ABCA13: variants seen among roughly 807,000 people sequenced by gnomAD.
ABCA13 encodes the protein ATP-binding cassette sub-family A member 13.
A neutral mutation model predicts 478.7 loss-of-function variants in ABCA13; 476 were observed. The observed-to-expected ratio is 0.99, with a 90% confidence interval of 0.92 to 1.07. ABCA13 has a LOEUF of 1.07. Ranked by LOEUF, ABCA13 falls within the 50% of genes least tolerant of loss-of-function variation. The pLI is 0.00. For synonymous variants in ABCA13, 2,252 were observed against 2,158.9 expected, an observed-to-expected ratio of 1.04 and a Z score of -1.20; for missense variants, 6,060 against 5,910.6, an observed-to-expected ratio of 1.03 and a Z score of -0.83.
chr7:48,470,395 T>C (rs889539114), intron 44 of ABCA13, among the ~76,000 whole-genome samples: 7 of 152,224 alleles, frequency 4.6e-5, no homozygotes, highest in Admixed American at 4.6e-4. Flanking sequence ...AAACACTTGT[T>C]AACCATCATC....
intron 48 of ABCA13, among the ~76,000 whole-genome samples, chr7:48,496,962 T>C (rs1215240563): frequency 1.3e-5 from 2 of 151,882 alleles, no homozygotes; most frequent in Non-Finnish European, 2.9e-5. Flanking sequence ...GATTTTTAGG[T>C]TTATGGTTTT....
intron 55 of ABCA13, among the ~76,000 whole-genome samples, chr7:48,563,797 TGTGTG>T (rs763403661): frequency 0.021 from 820 of 39,164 alleles, 10 homozygotes; most frequent in African/African-American, 0.046. Flanking sequence ...TTACTGCTTG[TGTGTG>T]TGTGTGTGTG....
rs371663337 is a variant in ABCA13, at chr7:48,587,311, C to A, written c.14640+23C>A. The A allele has an allele frequency of 1.4e-5, 22 of 1,583,478 alleles. No homozygotes were observed. The African/African-American group carries it at 3.0e-4, about 21-fold the overall frequency. On this transcript the variant is annotated intron_variant, in intron 57 of 61. Coordinates refer to ENST00000435803, the MANE Select transcript of ABCA13 (RefSeq NM_152701.5). Reference sequence around the variant, plus strand: ...TTGGTGAGTAGAAGAATGTCAATATCTTGGAGTAAGATACATATTGCATAT... The same window carrying A: ...TTGGTGAGTAGAAGAATGTCAATATATTGGAGTAAGATACATATTGCATAT...
chr7:48,349,358 G>A (rs1365814415), intron 29 of ABCA13, among the ~76,000 whole-genome samples: 4 of 152,192 alleles, frequency 2.6e-5, no homozygotes, highest in Admixed American at 2.6e-4. Flanking sequence ...GGCAGAAGGA[G>A]CCCGACACTT....
intron 56 of ABCA13, among the ~76,000 whole-genome samples, chr7:48,581,459 A>G (rs1788705592): frequency 6.6e-6 from 1 of 152,194 alleles, no homozygotes; most frequent in South Asian, 2.1e-4. Context: ...TTGTAGTTAA[A>G]CAGTTATTGG....
chr7:48,470,319 A>G (rs2130275551), intron 44 of ABCA13, among the ~76,000 whole-genome samples: 2 of 152,294 alleles, frequency 1.3e-5, no homozygotes, highest in South Asian at 4.1e-4. Flanking sequence ...AAAGGGAGCT[A>G]GGAGAAGAAT....
rs1360269509 is a variant in ABCA13, at chr7:48,275,514, C to A, written c.5848C>A (p.Gln1950Lys). 19 of 1,613,644 alleles carry A rather than the reference C, an allele frequency of 1.2e-5. No individual in the cohort carries two copies. Among genetic ancestry groups the A allele is most frequent in the Admixed American group, 3.3e-5 (2 of 60,000 alleles). ...SELCPSGSIK[Q>K]VALQIIEKLK... The stretch of plus-strand genomic sequence containing the variant: ...ACTCTGTCCTAGTGGTTCCATAAAG[C>A]AAGTTGCTTTGCAAATCATAGAAAA... The change falls in exon 17 of 62, where the codon CAA becomes AAA. Residue 1950 changes from glutamine (Q) to lysine (K), a missense_variant. Physicochemically the swap from Gln to Lys is moderately conservative, Grantham distance 53. Around this residue, in one of 3 missense-constraint regions of ABCA13, gnomAD observed 4,423 missense variants for 4,309.1 expected, o/e 1.03. Coordinates refer to ENST00000435803, the MANE Select transcript of ABCA13 (RefSeq NM_152701.5).
At chr7:48,603,079 T>C (rs1328468158) in intron 58 of ABCA13, among the ~76,000 whole-genome samples, 1 of 152,234 alleles carries the variant, frequency 6.6e-6, no homozygotes, top group Non-Finnish European at 1.5e-5. Context: ...GCATTGATTT[T>C]GTATCCTGAG....
chr7:48,541,901 A>T (rs1833968113), intron 55 of ABCA13, among the ~76,000 whole-genome samples: 1 of 146,366 alleles, frequency 6.8e-6, no homozygotes, highest in Non-Finnish European at 1.5e-5. Flanking sequence ...GGGTTAAAAA[A>T]GGTATTTTTT....
intron 15 of ABCA13, among the ~76,000 whole-genome samples, chr7:48,264,333 T>C (rs891593503): frequency 1.3e-5 from 2 of 151,912 alleles, no homozygotes; most frequent in African/African-American, 2.4e-5. Flanking sequence ...GGGAGTTGTA[T>C]GCTTAGCCTT....
At chr7:48,552,479 C>T (rs1785415213) in intron 55 of ABCA13, among the ~76,000 whole-genome samples, 1 of 151,608 alleles carries the variant, frequency 6.6e-6, no homozygotes, top group African/African-American at 2.4e-5. Flanking sequence ...GAATTTGGAC[C>T]TACAACATAG....
At chr7:48,616,690 G>A (rs75216059) in intron 59 of ABCA13, among the ~76,000 whole-genome samples, 5,810 of 152,146 alleles carry the variant, frequency 0.038, 146 homozygotes, top group Middle Eastern at 0.061. Flanking sequence ...ATGGCTTGTG[G>A]GTTATTCACT....
chr7:48,323,415 T>C (rs908453090), intron 27 of ABCA13, among the ~76,000 whole-genome samples: 8 of 152,242 alleles, frequency 5.3e-5, no homozygotes, highest in African/African-American at 1.7e-4. Flanking sequence ...GTAGACTGTA[T>C]GCCAAGCCCT....
At chr7:48,180,429 GT>G (rs1244100690) in intron 1 of ABCA13, among the ~76,000 whole-genome samples, 2 of 151,686 alleles carry the variant, frequency 1.3e-5, no homozygotes, top group African/African-American at 2.4e-5. Flanking sequence ...GATATCTTTT[GT>G]TTTTTTTGAG....
chr7:48,634,648 CT>C (rs1381186715), intron 59 of ABCA13, among the ~76,000 whole-genome samples: 1 of 152,064 alleles, frequency 6.6e-6, no homozygotes, highest in Non-Finnish European at 1.5e-5. Flanking sequence ...TCCACTCCAA[CT>C]TTATTATTTC....
At chr7:48,522,877 G>GTGAAT (rs1832651397) in intron 53 of ABCA13, among the ~76,000 whole-genome samples, 1 of 152,140 alleles carries the variant, frequency 6.6e-6, no homozygotes, top group South Asian at 2.1e-4. Flanking sequence ...ATACTACTCT[G>GTGAAT]CCAGGCAGGA....
rs1183944785 is a variant in ABCA13, at chr7:48,245,994, T to G, written c.1623T>G (p.Ser541Arg). 1 of 1,613,666 alleles carries G rather than the reference T, an allele frequency of 6.2e-7. No homozygotes were observed. The highest frequency in any genetic ancestry group is 8.5e-7 in the Non-Finnish European group (1 of 1,179,744). The change falls in exon 13 of 62, where the codon AGT becomes AGG. Residue 541 changes from serine to arginine, a missense_variant. Coordinates refer to ENST00000435803, the MANE Select transcript of ABCA13 (RefSeq NM_152701.5). ...LLCYCNSSET[S>R]VLNKLLGSVE... The stretch of plus-strand genomic sequence containing the variant: ...GCTATTGTAACTCCTCTGAGACGAG[T>G]GTTTTAAACAAGCTACTTGGTTCAG...
At chr7:48,223,826 G>T (rs1787729638) in intron 5 of ABCA13, among the ~76,000 whole-genome samples, 2 of 151,982 alleles carry the variant, frequency 1.3e-5, no homozygotes, top group South Asian at 4.2e-4. Context: ...GCGCGTAATG[G>T]CAGGTGCCTA....
At chr7:48,343,323 C>G (rs1807535149) in intron 29 of ABCA13, among the ~76,000 whole-genome samples, 2 of 152,160 alleles carry the variant, frequency 1.3e-5, no homozygotes, top group Admixed American at 1.3e-4. Context: ...TGGAGGTAGA[C>G]TTCAGCCTTA....
Sources: allele counts gnomAD v4.1 joint callset (sites outside exome capture counted in the v4.1 genomes callset), GRCh38; gene constraint gnomAD v4.1.1; regional missense constraint gnomAD v4.1.1; transcripts MANE v1.5; gene names NCBI Gene and HGNC (gene_info 2026-07-23, HGNC 2026-07-21).